The following CUX1 variants were observed in gnomAD, a reference collection of about 807,000 sequenced individuals.
CUX1 encodes the protein protein CASP.
Under a neutral mutation model 158.8 loss-of-function variants are expected in CUX1, and 31 were observed. That is an observed-to-expected ratio of 0.20 (90% CI 0.15 to 0.26). The LOEUF is 0.26. Ranked by LOEUF, CUX1 falls within the 10% of genes least tolerant of loss-of-function variation. The pLI is 1.00. For synonymous variants in CUX1, 879 were observed against 862.1 expected, an observed-to-expected ratio of 1.02 and a Z score of -0.34; for missense variants, 1,589 against 2,014.6, an observed-to-expected ratio of 0.79 and a Z score of 4.04.
intron 22 of CUX1, among the ~76,000 whole-genome samples, chr7:102,238,301 A>AC (rs1157893693): frequency 6.6e-6 from 1 of 152,102 alleles, no homozygotes; most frequent in Non-Finnish European, 1.5e-5. Context: ...CCGCCTGGCA[A>AC]CGGGCGTCTT....
intron 2 of CUX1, among the ~76,000 whole-genome samples, chr7:102,001,935 G>A (rs770830306): frequency 1.3e-5 from 2 of 152,148 alleles, no homozygotes; most frequent in African/African-American, 4.8e-5. Flanking sequence ...TAGCTATAGC[G>A]TTGGAAAAAT....
At position 101,877,756 on chromosome 7, in the gene CUX1, T is replaced by TTGTG. The variant is rs112494807; in HGVS notation, c.31-38315_31-38312dup. ...AATCAGTACATTAAAATCCCTCCAA[T>TTGTG]TGTGTGTGTGTGTGTGTGTGTGTGT... On this transcript the variant is annotated intron_variant, in intron 1 of 23. Coordinates refer to ENST00000292535, the MANE Select transcript of CUX1 (RefSeq NM_181552.4). Among the ~76,000 whole-genome samples, 577 of 148,926 alleles carry TTGTG rather than the reference T, an allele frequency of 3.9e-3. 7 individuals carry two copies. Among genetic ancestry groups the TTGTG allele is most frequent in the South Asian group, 0.027 (124 of 4,650 alleles).
At chr7:101,951,213 C>T (rs1809017720) in intron 2 of CUX1, among the ~76,000 whole-genome samples, 1 of 151,974 alleles carries the variant, frequency 6.6e-6, no homozygotes, top group Admixed American at 6.6e-5. Context: ...CGCCTGTGGT[C>T]CCAACCACTT....
intron 4 of CUX1, among the ~76,000 whole-genome samples, chr7:102,092,516 G>A (rs959055340): frequency 2.0e-5 from 3 of 152,230 alleles, no homozygotes; most frequent in African/African-American, 7.2e-5. Context: ...CAGTGGGGCT[G>A]TGCCCCAGTC....
chr7:101,923,794 C>T (rs973014716), intron 2 of CUX1, among the ~76,000 whole-genome samples: 4 of 152,244 alleles, frequency 2.6e-5, no homozygotes, highest in Non-Finnish European at 5.9e-5. Context: ...CTGTCGGAGA[C>T]GCCTGGCTCA....
intron 1 of CUX1, among the ~76,000 whole-genome samples, chr7:101,909,879 G>A (rs1309550628): frequency 6.6e-6 from 1 of 152,170 alleles, no homozygotes; most frequent in African/African-American, 2.4e-5. Context: ...GGAAATGGTG[G>A]GGATGCCTCC....
intron 20 of CUX1, among the ~76,000 whole-genome samples, chr7:102,217,510 C>A (rs1182720062): frequency 6.6e-6 from 1 of 152,266 alleles, no homozygotes. Flanking sequence ...ACCGTACCTT[C>A]CCATGTCGGG....
Position 102,201,390 on chromosome 7 carries a change from G to T in CUX1, c.2093G>T (p.Gly698Val), listed in dbSNP as rs1795421694. The change falls in exon 18 of 24, where the codon GGC becomes GTC. Residue 698 changes from glycine to valine, a missense_variant. Physicochemically the swap from Gly to Val is moderately radical, Grantham distance 109 (BLOSUM62 -3). Around this residue, in one of 8 missense-constraint regions of CUX1, gnomAD observed 337 missense variants for 409.3 expected, o/e 0.82. Transcript: ENST00000292535. The surrounding 1 kb of genome is among the most constrained non-coding windows in gnomAD (Gnocchi z 5.0). The part of the protein sequence containing the change: ...AEPAQPSSAS[G>V]SGNSDDAIRS... ...CCGGCCCAGCCTTCCTCCGCATCCG[G>T]CAGCGGGAACTCTGATGACGCCATC... 2.5e-6 allele frequency: 4 copies of T among 1,613,816 alleles called. No homozygotes were observed. Among genetic ancestry groups the T allele is most frequent in the Non-Finnish European group, 2.5e-6 (3 of 1,179,966 alleles).
intron 2 of CUX1, among the ~76,000 whole-genome samples, chr7:102,007,701 C>G (rs1446040918): frequency 1.3e-5 from 2 of 151,342 alleles, no homozygotes; most frequent in African/African-American, 2.4e-5. Flanking sequence ...TCCTCCTCCC[C>G]CCTCCCTCGC....
intron 2 of CUX1, among the ~76,000 whole-genome samples, chr7:101,982,665 G>T (rs913207255): frequency 2.0e-5 from 3 of 151,914 alleles, no homozygotes; most frequent in Non-Finnish European, 2.9e-5. Flanking sequence ...GGCCTGAAAC[G>T]ATCTGCCTGC....
At chr7:102,025,778 G>C (rs1315841916) in intron 2 of CUX1, among the ~76,000 whole-genome samples, 1 of 152,138 alleles carries the variant, frequency 6.6e-6, no homozygotes, top group African/African-American at 2.4e-5. Flanking sequence ...GCATCCTTTG[G>C]AACAGTATAT....
At chr7:102,004,680 G>A (rs532594768) in intron 2 of CUX1, among the ~76,000 whole-genome samples, 34 of 152,024 alleles carry the variant, frequency 2.2e-4, no homozygotes, top group Middle Eastern at 3.4e-3. Flanking sequence ...TAAGACTTGG[G>A]CTCTGGTGTC....
chr7:101,840,533 A>G (rs1199366421), intron 1 of CUX1, among the ~76,000 whole-genome samples: 1 of 152,202 alleles, frequency 6.6e-6, no homozygotes, highest in Non-Finnish European at 1.5e-5. Context: ...GGTAAATTAC[A>G]TTGATTGACT....
chr7:102,180,283 A>G (rs1054400898), intron 11 of CUX1, among the ~76,000 whole-genome samples: 3 of 150,690 alleles, frequency 2.0e-5, no homozygotes, highest in African/African-American at 4.9e-5. Context: ...CGGCCTCCCA[A>G]AGTGCTGGGA....
chr7:102,005,904 T>C (rs1210029907), intron 2 of CUX1, among the ~76,000 whole-genome samples: 1 of 152,150 alleles, frequency 6.6e-6, no homozygotes, highest in Non-Finnish European at 1.5e-5. Context: ...CTAAAACCCT[T>C]TGCTTTTACC....
chr7:102,178,159 C>T (rs1554512557), intron 10 of CUX1, among the ~76,000 whole-genome samples: 2 of 152,242 alleles, frequency 1.3e-5, no homozygotes, highest in African/African-American at 4.8e-5. Flanking sequence ...ACCTTGGCCT[C>T]CCAAAGTGCT....
At chr7:102,076,167 G>A (rs782277075) in intron 4 of CUX1, among the ~76,000 whole-genome samples, 12 of 152,274 alleles carry the variant, frequency 7.9e-5, no homozygotes, top group Non-Finnish European at 1.5e-4. Flanking sequence ...CAGATCACCT[G>A]AGATCACGAC....
intron 8 of CUX1, chr7:102,115,567 T>C: frequency 3.3e-6 from 1 of 306,262 alleles, no homozygotes; most frequent in Non-Finnish European, 5.9e-6. Context: ...TGTGTGGAGT[T>C]GAGTCTGGGT....
At chr7:102,054,841 C>T (rs425934) in intron 3 of CUX1, among the ~76,000 whole-genome samples, 31 of 151,920 alleles carry the variant, frequency 2.0e-4, no homozygotes, top group African/African-American at 7.0e-4. Context: ...CATGGTGGCG[C>T]GTTCCTGTAG....
Sources: allele counts gnomAD v4.1 joint callset (sites outside exome capture counted in the v4.1 genomes callset), GRCh38; gene constraint gnomAD v4.1.1; regional missense constraint gnomAD v4.1.1; non-coding constraint Gnocchi (gnomAD v3.1); transcripts MANE v1.5; gene names NCBI Gene and HGNC (gene_info 2026-07-23, HGNC 2026-07-21).